GBE1: variants seen among roughly 807,000 people sequenced by gnomAD.
GBE1 encodes the protein 1,4-alpha-glucan branching enzyme 1.
A neutral mutation model predicts 88.8 loss-of-function variants in GBE1; 70 were observed. The ratio of observed to expected loss-of-function variants is 0.79; its 90% CI spans 0.65 to 0.96. The LOEUF (loss-of-function observed/expected upper bound fraction) is 0.96, where lower values mean the gene tolerates loss of function less well. Among genes scored for constraint, GBE1 ranks in the 40% least tolerant of loss-of-function variants. GBE1 has a pLI of 0.00. For synonymous variants in GBE1, 284 were observed against 300.1 expected (o/e 0.95, Z 0.56); for missense variants, 872 against 871.0 (o/e 1.00, Z -0.01).
chr3:81,651,466 C>T (rs1415443078), intron 3 of GBE1, among the ~76,000 whole-genome samples: 1 of 152,088 alleles, frequency 6.6e-6, no homozygotes, highest in Non-Finnish European at 1.5e-5. Context: ...TTATGCCTCC[C>T]ACCTATTAAA....
intron 2 of GBE1, among the ~76,000 whole-genome samples, chr3:81,698,801 T>C (rs183522604): frequency 2.0e-5 from 3 of 152,296 alleles, no homozygotes; most frequent in African/African-American, 4.8e-5. Flanking sequence ...ATGAAATCTG[T>C]TAAGCAAAAG....
intron 2 of GBE1, among the ~76,000 whole-genome samples, chr3:81,697,754 C>T (rs1412717722): frequency 5.3e-5 from 8 of 151,910 alleles, no homozygotes; most frequent in Admixed American, 2.0e-4. Context: ...GTCTTAACAA[C>T]CACAATCAGA....
intron 1 of GBE1, among the ~76,000 whole-genome samples, chr3:81,711,882 G>A (rs1705872904): frequency 6.6e-6 from 1 of 151,974 alleles, no homozygotes; most frequent in Non-Finnish European, 1.5e-5. Context: ...TACAGAATGG[G>A]AGAAAATTTT....
intron 9 of GBE1, among the ~76,000 whole-genome samples, chr3:81,587,996 CT>C (rs1271973099): frequency 6.6e-6 from 1 of 152,110 alleles, no homozygotes; most frequent in African/African-American, 2.4e-5. Flanking sequence ...TTGTTACGAG[CT>C]TTTCTGCATC....
At chr3:81,737,331 T>C (rs868208817) in intron 1 of GBE1, among the ~76,000 whole-genome samples, 1 of 66,804 alleles carries the variant, frequency 1.5e-5, no homozygotes, top group Non-Finnish European at 2.9e-5. Context: ...TTATATATAT[T>C]TTTATATATA....
At chr3:81,664,152 G>A (rs888361863) in intron 3 of GBE1, among the ~76,000 whole-genome samples, 1 of 152,164 alleles carries the variant, frequency 6.6e-6, no homozygotes, top group Non-Finnish European at 1.5e-5. Flanking sequence ...GGGCAGAGAG[G>A]ATGAAGAGGA....
At chr3:81,525,226 A>G (rs1204161233) in intron 14 of GBE1, among the ~76,000 whole-genome samples, 5 of 152,048 alleles carry the variant, frequency 3.3e-5, no homozygotes, top group African/African-American at 1.2e-4. Flanking sequence ...ATTTATTGAG[A>G]GTTTGTAGCA....
At chr3:81,714,604 A>G (rs2107181315) in intron 1 of GBE1, among the ~76,000 whole-genome samples, 1 of 152,306 alleles carries the variant, frequency 6.6e-6, no homozygotes, top group African/African-American at 2.4e-5. Flanking sequence ...AGTCAGTCCC[A>G]CTGGCTCTCC....
chr3:81,652,944 A>C (rs1704871953), intron 3 of GBE1, among the ~76,000 whole-genome samples: 1 of 152,194 alleles, frequency 6.6e-6, no homozygotes, highest in Non-Finnish European at 1.5e-5. Context: ...TTTTAGAGAA[A>C]ACTTTATGTC....
chr3:81,554,135 A>G (rs1703315683), intron 12 of GBE1, among the ~76,000 whole-genome samples: 1 of 152,040 alleles, frequency 6.6e-6, no homozygotes, highest in Admixed American at 6.6e-5. Flanking sequence ...GGAACAGGAG[A>G]CTCAAAATAC....
chr3:81,701,098 G>C lies in GBE1; in HGVS notation c.313+4346C>G, dbSNP rs749165453. Among the ~76,000 whole-genome samples, 56 of 152,256 alleles carry C rather than the reference G, an allele frequency of 3.7e-4. 1 individual carries two copies. Among genetic ancestry groups the C allele is most frequent in the Middle Eastern group, 3.4e-3 (1 of 294 alleles). On this transcript the variant is annotated intron_variant, in intron 2 of 15. Coordinates refer to ENST00000429644, the MANE Select transcript of GBE1 (RefSeq NM_000158.4). ...AATCACATCTAATTTTCTAAAGAATGAGTCTTTGCTGTATTGCAGATGATT... is the reference window on the plus strand; with the variant it reads ...AATCACATCTAATTTTCTAAAGAATCAGTCTTTGCTGTATTGCAGATGATT...
chr3:81,670,181 C>A (rs1049531707), intron 3 of GBE1, among the ~76,000 whole-genome samples: 5 of 152,186 alleles, frequency 3.3e-5, no homozygotes, highest in Admixed American at 6.5e-5. Context: ...ATCCTTCAGA[C>A]ATCCCTTGAT....
intron 12 of GBE1, among the ~76,000 whole-genome samples, chr3:81,545,127 T>C (rs553051425): frequency 6.6e-6 from 1 of 152,282 alleles, no homozygotes; most frequent in Non-Finnish European, 1.5e-5. Context: ...AAAATGAAAT[T>C]CTTTGGCTTT....
At chr3:81,734,527 C>T (rs1323398457) in intron 1 of GBE1, among the ~76,000 whole-genome samples, 5 of 152,140 alleles carry the variant, frequency 3.3e-5, no homozygotes, top group African/African-American at 7.2e-5. Flanking sequence ...ACATCTGGCA[C>T]GTGTGAGTCC....
intron 9 of GBE1, among the ~76,000 whole-genome samples, chr3:81,590,788 C>G (rs1007112809): frequency 2.0e-5 from 3 of 152,112 alleles, no homozygotes; most frequent in African/African-American, 7.2e-5. Flanking sequence ...ACATTTAACT[C>G]TCCAACCACT....
intron 1 of GBE1, among the ~76,000 whole-genome samples, chr3:81,754,272 A>G (rs1274726089): frequency 6.6e-6 from 1 of 152,132 alleles, no homozygotes; most frequent in Non-Finnish European, 1.5e-5. Context: ...AGATCTATAC[A>G]AGGAAAACAA....
Position 81,506,053 on chromosome 3 carries a change from GAC to G in GBE1, c.1935-6828_1935-6827del, listed in dbSNP as rs1363309529. Reference sequence around the variant, plus strand: ...GACGAAGACACTAAAAGCAAAAACTGACAGATGGGATCTAATTAAACTAGGGA... The same window carrying G: ...GACGAAGACACTAAAAGCAAAAACTGAGATGGGATCTAATTAAACTAGGGA... On this transcript the variant is annotated intron_variant, in intron 14 of 15. Coordinates refer to ENST00000429644, the MANE Select transcript of GBE1 (RefSeq NM_000158.4). Among the ~76,000 whole-genome samples, 5 of 152,174 alleles carry G rather than the reference GAC, an allele frequency of 3.3e-5. No homozygotes were observed. In the Middle Eastern group the frequency reaches 0.01, roughly 311 times the overall value.
chr3:81,678,840 T>C (rs1194497580), intron 2 of GBE1, among the ~76,000 whole-genome samples: 4 of 152,166 alleles, frequency 2.6e-5, no homozygotes, highest in East Asian at 1.9e-4. Context: ...TGTAATTGCA[T>C]ATCAATAGTA....
intron 3 of GBE1, among the ~76,000 whole-genome samples, chr3:81,652,584 C>T (rs984346412): frequency 9.9e-5 from 15 of 152,156 alleles, no homozygotes; most frequent in Non-Finnish European, 2.2e-4. Flanking sequence ...TCTACCAAAT[C>T]CGGAACACTG....
Sources: gnomAD v4.1 joint callset for allele counts (sites outside exome capture counted in the v4.1 genomes callset) on GRCh38, gnomAD v4.1.1 for gene constraint, MANE v1.5 for transcripts, NCBI Gene and HGNC (gene_info 2026-07-23, HGNC 2026-07-21) for gene names.